HNF4G: variants seen among roughly 807,000 people sequenced by gnomAD.
HNF4G encodes the protein hepatocyte nuclear factor 4-gamma.
In HNF4G, 21 loss-of-function variants were observed where a neutral mutation model predicts 50.9. The ratio of observed to expected loss-of-function variants is 0.41; its 90% CI spans 0.29 to 0.59. HNF4G has a LOEUF of 0.59. Ranked by LOEUF, HNF4G falls within the 20% of genes least tolerant of loss-of-function variation. The probability of loss-of-function intolerance (pLI) is 0.26; values close to 1 mark genes in which losing one functional copy is unlikely to be tolerated. For synonymous variants in HNF4G, 198 were observed against 185.6 expected (o/e 1.07, Z -0.54); for missense variants, 527 against 559.4 (o/e 0.94, Z 0.58).
intron 1 of HNF4G, among the ~76,000 whole-genome samples, chr8:75,475,693 T>C (rs1004881530): frequency 1.3e-4 from 20 of 152,178 alleles, no homozygotes; most frequent in Admixed American, 1.1e-3. Flanking sequence ...ACTGAAAACA[T>C]ACAGCTTCAG....
At chr8:75,482,706 C>T (rs754584901) in intron 1 of HNF4G, among the ~76,000 whole-genome samples, 2 of 152,008 alleles carry the variant, frequency 1.3e-5, no homozygotes, top group East Asian at 1.9e-4. Flanking sequence ...CTTTCCTGAT[C>T]GCCTTTTGAT....
chr8:75,475,718 T>G (rs1812225035), intron 1 of HNF4G, among the ~76,000 whole-genome samples: 1 of 152,132 alleles, frequency 6.6e-6, no homozygotes, highest in African/African-American at 2.4e-5. Flanking sequence ...TTTTTATTTT[T>G]TCATTTATTG....
chr8:75,461,914 AT>A (rs1369231421), intron 1 of HNF4G, among the ~76,000 whole-genome samples: 1 of 146,714 alleles, frequency 6.8e-6, no homozygotes, highest in Non-Finnish European at 1.5e-5. Flanking sequence ...ATAAATATAT[AT>A]ATATATATAT....
chr8:75,473,386 A>G (rs769242416), intron 1 of HNF4G, among the ~76,000 whole-genome samples: 7 of 152,230 alleles, frequency 4.6e-5, no homozygotes, highest in Non-Finnish European at 8.8e-5. Flanking sequence ...ATATGCTTGT[A>G]TGTACACTTG....
chr8:75,522,108 G>C (rs1454297052), intron 2 of HNF4G, among the ~76,000 whole-genome samples: 1 of 152,318 alleles, frequency 6.6e-6, no homozygotes, highest in Admixed American at 6.5e-5. Context: ...AGGCTATAAA[G>C]CTTTTTCAAT....
intron 5 of HNF4G, among the ~76,000 whole-genome samples, chr8:75,555,099 G>A (rs1360380001): frequency 1.3e-5 from 2 of 152,208 alleles, no homozygotes; most frequent in Non-Finnish European, 2.9e-5. Flanking sequence ...TTGGATTTCA[G>A]TCTAGGGACA....
intron 4 of HNF4G, among the ~76,000 whole-genome samples, chr8:75,552,440 TAAAATTA>T (rs1806986300): frequency 6.6e-6 from 1 of 152,156 alleles, no homozygotes; most frequent in Non-Finnish European, 1.5e-5. Context: ...TTATATAGTC[TAAAATTA>T]CAAATTTACA....
chr8:75,430,503 G>GGA (rs919552304), intron 1 of HNF4G, among the ~76,000 whole-genome samples: 41 of 123,322 alleles, frequency 3.3e-4, no homozygotes, highest in African/African-American at 8.4e-4. Context: ...AGAGAGAGAG[G>GGA]GAGAGAGAGA....
intron 1 of HNF4G, among the ~76,000 whole-genome samples, chr8:75,430,100 G>A (rs1454706203): frequency 1.3e-5 from 2 of 151,092 alleles, no homozygotes; most frequent in Non-Finnish European, 2.9e-5. Flanking sequence ...GCAGTGAGCC[G>A]AGTTCGCACC....
intron 1 of HNF4G, among the ~76,000 whole-genome samples, chr8:75,452,636 G>A (rs967341546): frequency 2.7e-5 from 4 of 146,662 alleles, no homozygotes; most frequent in African/African-American, 5.1e-5. Context: ...GGGAAATGGC[G>A]TGAACCCGGG....
chr8:75,454,542 C>T (rs973145279), intron 1 of HNF4G, among the ~76,000 whole-genome samples: 1 of 152,116 alleles, frequency 6.6e-6, no homozygotes, highest in African/African-American at 2.4e-5. Context: ...CCTTGCTCTC[C>T]AACCACATTG....
chr8:75,512,557 C>A (rs1478272432), intron 2 of HNF4G, among the ~76,000 whole-genome samples: 1 of 151,806 alleles, frequency 6.6e-6, no homozygotes, highest in Non-Finnish European at 1.5e-5. Flanking sequence ...CTCCGCCTCC[C>A]GGGTTCATGC....
chr8:75,540,287 G>T (rs1215711200), intron 1 of HNF4G, among the ~76,000 whole-genome samples: 2 of 152,114 alleles, frequency 1.3e-5, no homozygotes, highest in Non-Finnish European at 2.9e-5. Flanking sequence ...GGTAGAAAAA[G>T]CCTGGTTTTG....
Position 75,558,535 on chromosome 8 carries a change from C to T in HNF4G, c.751C>T (p.His251Tyr). The change falls in exon 7 of 10, where the codon CAC becomes TAC. Residue 251 changes from histidine to tyrosine, a missense_variant. Physicochemically the swap from His to Tyr is moderately conservative, Grantham distance 83. Around this residue, in one of 5 missense-constraint regions of HNF4G, gnomAD observed 308 missense variants for 301.5 expected, o/e 1.02. Transcript: ENST00000396423. ...ILLLGNNYVI[H>Y]RNSCEVEISR... ...TCTCATAGGAAACAACTATGTTATTCACCGCAACAGCTGTGAAGTTGAGAT... is the reference window on the plus strand; with the variant it reads ...TCTCATAGGAAACAACTATGTTATTTACCGCAACAGCTGTGAAGTTGAGAT... 1.2e-6 allele frequency: 2 copies of T among 1,612,212 alleles called. No homozygotes were observed. Among genetic ancestry groups the T allele is most frequent in the Non-Finnish European group, 1.7e-6 (2 of 1,179,426 alleles).
intron 4 of HNF4G, 107 bp from the exon 5 acceptor site, chr8:75,552,935 A>G (rs1807002645): frequency 1.5e-6 from 1 of 653,016 alleles, no homozygotes; most frequent in Non-Finnish European, 2.6e-6. Context: ...TGTAACAACA[A>G]TAGTGCCTAC....
At chr8:75,547,433 G>A (rs1444613234) in intron 2 of HNF4G, among the ~76,000 whole-genome samples, 154 bp from the exon 3 acceptor site, 1 of 152,236 alleles carries the variant, frequency 6.6e-6, no homozygotes, top group Non-Finnish European at 1.5e-5. Flanking sequence ...CGCACATGCT[G>A]ATTGAGAGAC....
At position 75,558,800 on chromosome 8, in the gene HNF4G, G is replaced by A; in HGVS notation, c.887-1G>A. On this transcript the variant is annotated splice_acceptor_variant, in intron 7 of 9. Transcript: ENST00000396423. LOFTEE classifies it high-confidence loss of function. ...CACTGCCTCTCTTATTCCTTTGTTA[G>A]ATGCAAAAGGGCTAAGCGATCCAGT... 2 of 1,612,334 alleles carry A rather than the reference G, an allele frequency of 1.2e-6. No homozygotes were observed. Among genetic ancestry groups the A allele is most frequent in the Non-Finnish European group, 1.7e-6 (2 of 1,178,484 alleles).
In HNF4G at chr8:75,558,595, G is replaced by T; in HGVS notation, c.811G>T (p.Val271Phe). The change falls in exon 7 of 10, where the codon GTT (valine) becomes TTT (phenylalanine). Residue 271 changes from valine to phenylalanine, a missense_variant. By Grantham distance (50) the Val-to-Phe change is conservative. Transcript: ENST00000396423. ...RVANRVLDEL[V>F]RPFQEIQIDD... is the part of the protein sequence containing the mutation. ...GGCCAATCGTGTTCTAGATGAGCTG[G>T]TTAGACCATTTCAAGAAATCCAGAT... The T allele has an allele frequency of 6.2e-7, 1 of 1,613,878 alleles. No individual in the cohort carries two copies.
At chr8:75,479,985 T>C (rs867431226) in intron 1 of HNF4G, among the ~76,000 whole-genome samples, 5 of 54,710 alleles carry the variant, frequency 9.1e-5, no homozygotes, top group Non-Finnish European at 1.5e-4. Context: ...AACCTTAACT[T>C]TTTTTTTTTG....
Sources: gnomAD v4.1 joint callset for allele counts (sites outside exome capture counted in the v4.1 genomes callset) on GRCh38, gnomAD v4.1.1 for gene constraint, gnomAD v4.1.1 regional missense constraint, MANE v1.5 for transcripts, NCBI Gene and HGNC (gene_info 2026-07-23, HGNC 2026-07-21) for gene names.